Variants in DGKB observed in about 807,000 individuals in gnomAD.
DGKB encodes the protein diacylglycerol kinase beta.
A neutral mutation model predicts 114.3 loss-of-function variants in DGKB; 67 were observed. The ratio of observed to expected loss-of-function variants is 0.59; its 90% CI spans 0.48 to 0.72. The LOEUF (loss-of-function observed/expected upper bound fraction) is 0.72. DGKB is among the 30% of genes least tolerant of loss of function. The probability of loss-of-function intolerance (pLI) is 0.00; values close to 1 mark genes in which losing one functional copy is unlikely to be tolerated. For synonymous variants in DGKB, 398 were observed against 323.1 expected (o/e 1.23, Z -2.49); for missense variants, 907 against 975.2 (o/e 0.93, Z 0.93).
rs1554265922 is a variant in DGKB, at chr7:14,769,228, G to GAA, written c.71-11498_71-11497insTT. ...GAAAGGAAAGAAAGAGAAAGAGAGA[G>GAA]AGAAAGAAAGAAAGAAAGAAAGAAA... On this transcript the variant is annotated intron_variant, in intron 2 of 25. Coordinates refer to ENST00000402815, the MANE Select transcript of DGKB (RefSeq NM_001350709.2). 1.7e-3 allele frequency among the ~76,000 whole-genome samples: 204 copies of GAA among 119,672 alleles called. 4 individuals are homozygous for GAA. The highest frequency in any genetic ancestry group is 4.7e-3 in the African/African-American group (146 of 30,816). The allele number at this position is 119,672 out of a possible 152,430, so 78.5% of individuals were successfully genotyped here. A position where few individuals can be genotyped will look rare whatever the true frequency, so the allele number is the denominator to read the frequency against.
chr7:14,518,055 T>G (rs1789135986), intron 20 of DGKB, among the ~76,000 whole-genome samples: 1 of 152,084 alleles, frequency 6.6e-6, no homozygotes, highest in East Asian at 1.9e-4. Context: ...AGACATGGAA[T>G]CAACCTAAAT....
chr7:14,388,028 T>C (rs937128103), intron 21 of DGKB, among the ~76,000 whole-genome samples: 2 of 151,676 alleles, frequency 1.3e-5, no homozygotes, highest in Non-Finnish European at 2.9e-5. Context: ...TACAGGCGCC[T>C]GCCACTGCGC....
rs1554265921 is a variant in DGKB, at chr7:14,769,228, G to GAGAGAAAGAA, written c.71-11498_71-11497insTTCTTTCTCT. Among the ~76,000 whole-genome samples the GAGAGAAAGAA allele has an allele frequency of 2.5e-5, 3 of 119,688 alleles. No individual in the cohort carries two copies. The South Asian group carries it at 8.8e-4, about 35-fold the overall frequency. The allele number at this position is 119,688 out of a possible 152,430, so 78.5% of individuals were successfully genotyped here. A position where few individuals can be genotyped will look rare whatever the true frequency, so the allele number is the denominator to read the frequency against. On this transcript the variant is annotated intron_variant, in intron 2 of 25. Transcript: ENST00000402815. ...GAAAGGAAAGAAAGAGAAAGAGAGA[G>GAGAGAAAGAA]AGAAAGAAAGAAAGAAAGAAAGAAA...
At chr7:14,811,030 G>A (rs892773740) in intron 2 of DGKB, among the ~76,000 whole-genome samples, 5 of 152,120 alleles carry the variant, frequency 3.3e-5, no homozygotes, top group African/African-American at 1.2e-4. Context: ...AGACAATGAA[G>A]TTACAGTTTC....
intron 5 of DGKB, among the ~76,000 whole-genome samples, chr7:14,729,750 T>C (rs1184532862): frequency 6.6e-6 from 1 of 152,198 alleles, no homozygotes; most frequent in Non-Finnish European, 1.5e-5. Flanking sequence ...AGTTCAAAAG[T>C]GGTTTACAAT....
intron 21 of DGKB, among the ~76,000 whole-genome samples, chr7:14,464,233 T>A (rs924660312): frequency 1.1e-4 from 16 of 152,296 alleles, no homozygotes; most frequent in African/African-American, 3.8e-4. Flanking sequence ...TTAAAGTAAT[T>A]GAATTTGAAC....
intron 25 of DGKB, among the ~76,000 whole-genome samples, chr7:14,170,548 C>G (rs2128236862): frequency 6.6e-6 from 1 of 152,212 alleles, no homozygotes; most frequent in South Asian, 2.1e-4. Context: ...CAACCTTTGT[C>G]TAGTTGATAT....
chr7:14,663,820 A>T (rs1450789166), intron 13 of DGKB, among the ~76,000 whole-genome samples: 2 of 151,730 alleles, frequency 1.3e-5, no homozygotes, highest in Non-Finnish European at 2.9e-5. Context: ...TGTGCAAAAA[A>T]AAACAAATTA....
chr7:14,707,296 A>G (rs1264792805), intron 6 of DGKB, among the ~76,000 whole-genome samples: 1 of 149,974 alleles, frequency 6.7e-6, no homozygotes, highest in African/African-American at 2.5e-5. Flanking sequence ...ATAGACCAAT[A>G]ACAGGAGCTG....
chr7:14,945,226 A>T (rs767328216), intron 1 of DGKB, among the ~76,000 whole-genome samples: 42 of 151,992 alleles, frequency 2.8e-4, no homozygotes, highest in Non-Finnish European at 5.5e-4. Context: ...GCTGAGAAAG[A>T]TAATAATAAT....
At chr7:14,903,388 TGTTTAACTGCTG>T (rs1783437966), upstream of DGKB, 2 of 152,312 alleles carry the variant, frequency 1.3e-5, no homozygotes, top group African/African-American at 4.8e-5. Context: ...GCTATACAGC[TGTTTAACTGCTG>T]GTCCAGTTAT....
intron 13 of DGKB, among the ~76,000 whole-genome samples, chr7:14,643,069 T>C (rs1278524587): frequency 6.6e-6 from 1 of 152,086 alleles, no homozygotes; most frequent in Non-Finnish European, 1.5e-5. Flanking sequence ...ACAAATCAAA[T>C]GGAGCATCTA....
intron 21 of DGKB, among the ~76,000 whole-genome samples, chr7:14,413,381 G>A (rs1235435095): frequency 6.6e-6 from 1 of 152,140 alleles, no homozygotes; most frequent in Non-Finnish European, 1.5e-5. Flanking sequence ...GAGGGGGACA[G>A]TCATAAATTC....
At chr7:14,944,640 G>C (rs1785762853) in intron 1 of DGKB, among the ~76,000 whole-genome samples, 1 of 151,650 alleles carries the variant, frequency 6.6e-6, no homozygotes, top group African/African-American at 2.4e-5. Flanking sequence ...TCCTTGACCA[G>C]GTTATTTGGC....
chr7:14,270,669 A>G (rs1204412559), intron 23 of DGKB, among the ~76,000 whole-genome samples: 1 of 152,270 alleles, frequency 6.6e-6, no homozygotes, highest in Non-Finnish European at 1.5e-5. Context: ...GATCTTAAGA[A>G]AACATATACA....
chr7:14,276,850 AT>A (rs1799082027), intron 23 of DGKB, among the ~76,000 whole-genome samples: 2 of 151,900 alleles, frequency 1.3e-5, no homozygotes, highest in African/African-American at 2.4e-5. Context: ...TTGCTTTATA[AT>A]TTTACATCTT....
At chr7:14,864,350 A>G (rs1397728120) in intron 1 of DGKB, among the ~76,000 whole-genome samples, 1 of 152,144 alleles carries the variant, frequency 6.6e-6, no homozygotes, top group African/African-American at 2.4e-5. Flanking sequence ...ATGTAATCAG[A>G]GTAGAGCTAA....
chr7:14,169,536 C>T (rs541392929), intron 25 of DGKB, among the ~76,000 whole-genome samples: 3 of 152,064 alleles, frequency 2.0e-5, no homozygotes, highest in East Asian at 3.9e-4. Context: ...CATGGTAATC[C>T]TCTGGGAAGT....
chr7:14,462,284 G>C (rs185712824), intron 21 of DGKB, among the ~76,000 whole-genome samples: 260 of 152,144 alleles, frequency 1.7e-3, no homozygotes, highest in Middle Eastern at 6.8e-3. Flanking sequence ...AGAAATAAAG[G>C]GTATTCAAAT....
Sources: gnomAD v4.1 joint callset for allele counts (sites outside exome capture counted in the v4.1 genomes callset) on GRCh38, gnomAD v4.1.1 for gene constraint, MANE v1.5 for transcripts, NCBI Gene and HGNC (gene_info 2026-07-23, HGNC 2026-07-21) for gene names.